Variants in CLVS1 observed in about 807,000 individuals in gnomAD.
The protein encoded by CLVS1 is clavesin-1.
A neutral mutation model predicts 33.1 loss-of-function variants in CLVS1; 10 were observed. The ratio of observed to expected loss-of-function variants is 0.30; its 90% CI spans 0.19 to 0.51. The LOEUF is 0.51. Ranked by LOEUF, CLVS1 falls within the 20% of genes least tolerant of loss-of-function variation. The pLI, the probability that CLVS1 is intolerant of heterozygous loss-of-function variation, is 0.97. For missense variants in CLVS1, 343 were observed against 433.4 expected (o/e 0.79, Z 1.85); for synonymous variants, 163 against 166.1 (o/e 0.98, Z 0.14).
At chr8:61,476,081 A>C (rs571029992) in intron 5 of CLVS1, among the ~76,000 whole-genome samples, 7 of 152,256 alleles carry the variant, frequency 4.6e-5, no homozygotes, top group African/African-American at 1.4e-4. Context: ...TGTTTTTCTC[A>C]GGTTTGTCAA....
intron 2 of CLVS1, among the ~76,000 whole-genome samples, chr8:61,337,081 A>G (rs1375546210): frequency 6.6e-6 from 1 of 152,174 alleles, no homozygotes; most frequent in Non-Finnish European, 1.5e-5. Context: ...ACTGACAAAG[A>G]TGATCAATTG....
intron 2 of CLVS1, among the ~76,000 whole-genome samples, chr8:61,138,734 G>T (rs957635145): frequency 6.6e-6 from 1 of 152,158 alleles, no homozygotes. Context: ...AGAGCAGCAG[G>T]CTCCCAGGAA....
the CLVS1 span, among the ~76,000 whole-genome samples, chr8:60,973,566 A>G: frequency 5.3e-5 from 8 of 152,336 alleles, no homozygotes; most frequent in African/African-American, 1.9e-4. Flanking sequence ...AACATTTATT[A>G]AAAAGCTTTA....
intron 2 of CLVS1, among the ~76,000 whole-genome samples, chr8:61,212,089 T>A (rs1807982359): frequency 6.6e-6 from 1 of 152,176 alleles, no homozygotes; most frequent in South Asian, 2.1e-4. Context: ...GATAATAAAT[T>A]CGTGTTGTTT....
intron 2 of CLVS1, among the ~76,000 whole-genome samples, chr8:61,149,679 T>C (rs1806490514): frequency 6.6e-6 from 1 of 152,084 alleles, no homozygotes; most frequent in African/African-American, 2.4e-5. Context: ...GGAGACTCAT[T>C]TGAACTTAAC....
At chr8:61,086,302 C>A (rs1225864237) in intron 1 of CLVS1, among the ~76,000 whole-genome samples, 1 of 152,026 alleles carries the variant, frequency 6.6e-6, no homozygotes, top group Non-Finnish European at 1.5e-5. Flanking sequence ...CTAGGAGACT[C>A]AATTTGCATA....
chr8:61,372,191 T>G (rs4738888), intron 2 of CLVS1, among the ~76,000 whole-genome samples: 1 of 151,822 alleles, frequency 6.6e-6, no homozygotes, highest in Non-Finnish European at 1.5e-5. Context: ...TCAAAAAAAA[T>G]TTCCCCCTGA....
chr8:61,305,918 A>G lies in CLVS1; in HGVS notation c.455+5636A>G, dbSNP rs145280008. ...CTTTTTTGTGGCTGCATAGTATTTC[A>G]TGGTGTATATCCAGTCTATCAGTGA... is the stretch of plus-strand genomic sequence containing the variant. On this transcript the variant is annotated intron_variant, in intron 2 of 5. Coordinates refer to ENST00000325897, the MANE Select transcript of CLVS1 (RefSeq NM_173519.3). Among the ~76,000 whole-genome samples the G allele has an allele frequency of 4.7e-3, 715 of 152,276 alleles. 1 individual carries two copies. The highest frequency in any genetic ancestry group is 7.9e-3 in the Non-Finnish European group (539 of 68,008).
At chr8:61,432,518 G>A (rs966542934) in intron 3 of CLVS1, among the ~76,000 whole-genome samples, 3 of 152,146 alleles carry the variant, frequency 2.0e-5, no homozygotes, top group Non-Finnish European at 2.9e-5. Context: ...GAAGATGCTG[G>A]AAACAGACAG....
chr8:61,052,610 C>T (rs1292134147), upstream of CLVS1, among the ~76,000 whole-genome samples: 2 of 152,144 alleles, frequency 1.3e-5, no homozygotes, highest in East Asian at 1.9e-4. Flanking sequence ...GAGGTATAAT[C>T]GTGCTGGTGA....
At chr8:61,366,751 T>C (rs1422646916) in intron 2 of CLVS1, among the ~76,000 whole-genome samples, 1 of 152,174 alleles carries the variant, frequency 6.6e-6, no homozygotes, top group Non-Finnish European at 1.5e-5. Flanking sequence ...TGGTCTAGAC[T>C]AGCAGTGCAA....
At chr8:61,115,324 T>C (rs1409628194) in intron 1 of CLVS1, among the ~76,000 whole-genome samples, 2 of 151,486 alleles carry the variant, frequency 1.3e-5, no homozygotes, top group African/African-American at 4.9e-5. Flanking sequence ...TTTAAAAAAA[T>C]GGCAACTCTT....
At chr8:61,243,194 A>G (rs1336902972) in intron 2 of CLVS1, among the ~76,000 whole-genome samples, 2 of 152,266 alleles carry the variant, frequency 1.3e-5, no homozygotes, top group Non-Finnish European at 2.9e-5. Flanking sequence ...GTTCAGATCT[A>G]AGATGAGACT....
chr8:61,139,257 G>C (rs13439567), intron 2 of CLVS1, among the ~76,000 whole-genome samples: 4 of 152,208 alleles, frequency 2.6e-5, no homozygotes, highest in South Asian at 2.1e-4. Context: ...AGGCGCCGCG[G>C]GGGCAGCGGA....
intron 2 of CLVS1, among the ~76,000 whole-genome samples, chr8:61,222,383 C>CT (rs1808235674): frequency 6.6e-6 from 1 of 152,036 alleles, no homozygotes; most frequent in Admixed American, 6.5e-5. Context: ...TATGTTGTCT[C>CT]TTTTTTCTCA....
intron 2 of CLVS1, among the ~76,000 whole-genome samples, chr8:61,224,577 C>T (rs1235296969): frequency 6.6e-6 from 1 of 152,140 alleles, no homozygotes; most frequent in Admixed American, 6.5e-5. Flanking sequence ...TCGAGGGGCA[C>T]CAAGCTGATG....
intron 2 of CLVS1, among the ~76,000 whole-genome samples, chr8:61,210,353 G>T (rs1444177428): frequency 1.3e-5 from 2 of 152,200 alleles, no homozygotes; most frequent in Non-Finnish European, 2.9e-5. Flanking sequence ...CCGATGTCTT[G>T]GTCTTGGACC....
At chr8:61,185,821 A>G (rs1807334071) in intron 2 of CLVS1, among the ~76,000 whole-genome samples, 1 of 152,170 alleles carries the variant, frequency 6.6e-6, no homozygotes, top group Non-Finnish European at 1.5e-5. Context: ...CAATCAAAAT[A>G]AAAACACCTA....
At position 61,142,787 on chromosome 8, in the gene CLVS1, A is replaced by T. The variant is rs11990232; in HGVS notation, c.-152+10927A>T. Among the ~76,000 whole-genome samples, 696 of 152,326 alleles carry T rather than the reference A, an allele frequency of 4.6e-3. 5 individuals are homozygous for T. The highest frequency in any genetic ancestry group is 0.015 in the African/African-American group (639 of 41,570). ...ACAGATACACACCTTCTGTAATGCC[A>T]GGAGGGATTGCTCCTTTCTGGTTGT... is the stretch of plus-strand genomic sequence containing the variant. On this transcript the variant is annotated intron_variant, in intron 2 of 2. Transcript: ENST00000522621.
Sources: allele counts gnomAD v4.1 joint callset (sites outside exome capture counted in the v4.1 genomes callset), GRCh38; gene constraint gnomAD v4.1.1; transcripts MANE v1.5; gene names NCBI Gene and HGNC (gene_info 2026-07-23, HGNC 2026-07-21).